Variants in COG5 observed in about 807,000 individuals in gnomAD.
COG5 encodes the protein component of oligomeric golgi complex 5, also known as conserved oligomeric Golgi complex subunit 5.
Under a neutral mutation model 110.4 loss-of-function variants are expected in COG5, and 86 were observed. That is an observed-to-expected ratio of 0.78 (90% confidence interval 0.65 to 0.93). COG5 has a LOEUF of 0.93. Ranked by LOEUF, COG5 falls within the 40% of genes least tolerant of loss-of-function variation. The pLI is 0.00. For missense variants in COG5, 1,077 were observed against 987.0 expected, an observed-to-expected ratio of 1.09 and a Z score of -1.22; for synonymous variants, 360 against 334.6, an observed-to-expected ratio of 1.08 and a Z score of -0.83.
chr7:107,558,533 G>A (rs1259806193), intron 1 of COG5, among the ~76,000 whole-genome samples: 1 of 151,970 alleles, frequency 6.6e-6, no homozygotes, highest in Non-Finnish European at 1.5e-5. Context: ...GAACCCGGGA[G>A]GCACAGGCTG....
chr7:107,237,902 C>T (rs770110356), intron 17 of COG5, among the ~76,000 whole-genome samples: 10 of 152,144 alleles, frequency 6.6e-5, no homozygotes, highest in Non-Finnish European at 1.5e-4. Flanking sequence ...GTTTGTCACT[C>T]CACAAGGCCA....
intron 7 of COG5, among the ~76,000 whole-genome samples, chr7:107,377,355 T>A (rs536182074): frequency 6.6e-6 from 1 of 152,232 alleles, no homozygotes; most frequent in South Asian, 2.1e-4. Context: ...TCAATTGGTA[T>A]AAACTCATAC....
chr7:107,275,817 C>A (rs185589506), intron 14 of COG5, among the ~76,000 whole-genome samples: 22 of 151,966 alleles, frequency 1.4e-4, no homozygotes, highest in African/African-American at 5.3e-4. Context: ...AGCCACCATA[C>A]CTGGCCAATA....
At chr7:107,556,144 T>C (rs1442365069) in intron 2 of COG5, among the ~76,000 whole-genome samples, 1 of 152,142 alleles carries the variant, frequency 6.6e-6, no homozygotes, top group Non-Finnish European at 1.5e-5. Flanking sequence ...ATCAGATATC[T>C]AGAGGCAGAA....
chr7:107,290,373 C>G (rs1806061604), intron 12 of COG5, among the ~76,000 whole-genome samples: 1 of 152,170 alleles, frequency 6.6e-6, no homozygotes, highest in Non-Finnish European at 1.5e-5. Context: ...TTAACCTGTG[C>G]AAAATAAACC....
intron 6 of COG5, among the ~76,000 whole-genome samples, chr7:107,517,732 C>G (rs1800032850): frequency 6.6e-6 from 1 of 150,954 alleles, no homozygotes. Flanking sequence ...GAGTCTCACT[C>G]TGTCGCCCAG....
rs1800833413 is a variant in COG5, at chr7:107,527,228, A to G, written c.538+9T>C. Reference sequence around the variant, plus strand: ...CTAACTTTTTATTTAAAAAAAAAAAAAAACTTACCAAGTTCATTGAGACTC... The same window carrying G: ...CTAACTTTTTATTTAAAAAAAAAAAGAAACTTACCAAGTTCATTGAGACTC... On this transcript the variant is annotated intron_variant, in intron 6 of 21. Transcript: ENST00000297135. 6.5e-7 allele frequency: 1 copy of G among 1,535,956 alleles called. No individual in the cohort carries two copies. Among genetic ancestry groups the G allele is most frequent in the South Asian group, 1.3e-5 (1 of 79,374 alleles).
intron 19 of COG5, among the ~76,000 whole-genome samples, chr7:107,220,815 C>CTTTT (rs1168926155): frequency 3.3e-4 from 41 of 123,908 alleles, no homozygotes; most frequent in Non-Finnish European, 4.1e-4. Context: ...CTCATGCCTT[C>CTTTT]TTTTTTTTTT....
At chr7:107,369,544 G>A (rs983908207) in intron 8 of COG5, among the ~76,000 whole-genome samples, 9 of 151,780 alleles carry the variant, frequency 5.9e-5, no homozygotes, top group African/African-American at 1.5e-4. Context: ...GCGCCACCAC[G>A]CCCGGCTAAT....
At chr7:107,283,189 G>T (rs114047442) in intron 13 of COG5, among the ~76,000 whole-genome samples, 1,687 of 152,206 alleles carry the variant, frequency 0.011, 18 homozygotes, top group African/African-American at 0.027. Context: ...CATGAAGCAC[G>T]TTCTGGAGTT....
chr7:107,278,383 T>C (rs748147700), intron 14 of COG5, among the ~76,000 whole-genome samples: 128 of 152,246 alleles, frequency 8.4e-4, no homozygotes, highest in Non-Finnish European at 1.5e-3. Context: ...CAACCTCTCA[T>C]CTACATTAGG....
At chr7:107,260,075 G>GATATAT (rs143875588) in intron 14 of COG5, among the ~76,000 whole-genome samples, 2,028 of 131,494 alleles carry the variant, frequency 0.015, 89 homozygotes, top group East Asian at 0.088. Context: ...AACTCCTAGT[G>GATATAT]ATATATATAT....
At chr7:107,438,847 A>C (rs1450676666) in intron 6 of COG5, among the ~76,000 whole-genome samples, 1 of 152,196 alleles carries the variant, frequency 6.6e-6, no homozygotes, top group Non-Finnish European at 1.5e-5. Flanking sequence ...GTTCTAACAG[A>C]AACTTGGCTC....
At chr7:107,264,671 C>A (rs1041079139) in intron 14 of COG5, among the ~76,000 whole-genome samples, 1 of 151,902 alleles carries the variant, frequency 6.6e-6, no homozygotes, top group African/African-American at 2.4e-5. Context: ...CCAGCCCGAG[C>A]GACAGATCCA....
chr7:107,351,188 G>A (rs1812102168), intron 10 of COG5, among the ~76,000 whole-genome samples: 1 of 152,046 alleles, frequency 6.6e-6, no homozygotes, highest in South Asian at 2.1e-4. Flanking sequence ...TGACAAACCT[G>A]ACAAAAACAA....
intron 6 of COG5, among the ~76,000 whole-genome samples, chr7:107,503,435 T>C (rs976130768): frequency 6.6e-6 from 1 of 152,170 alleles, no homozygotes; most frequent in Non-Finnish European, 1.5e-5. Context: ...TCCAGTAATA[T>C]GATGCCTCCA....
intron 5 of COG5, among the ~76,000 whole-genome samples, chr7:107,546,428 G>GTTTTTTGT (rs1802452068): frequency 8.5e-6 from 1 of 117,174 alleles, no homozygotes; most frequent in East Asian, 2.6e-4. Flanking sequence ...TTGTGTTTTG[G>GTTTTTTGT]TTTTTTGTTT....
chr7:107,248,347 C>T (rs765306858), intron 17 of COG5, 49 bp downstream of exon 17: 2 of 1,180,574 alleles, frequency 1.7e-6, no homozygotes, highest in Admixed American at 1.7e-5. Flanking sequence ...GGTGGGAATA[C>T]AAAATAAAGG....
At chr7:107,468,789 G>T (rs1796456476) in intron 6 of COG5, among the ~76,000 whole-genome samples, 1 of 152,010 alleles carries the variant, frequency 6.6e-6, no homozygotes, top group Non-Finnish European at 1.5e-5. Context: ...AAAAATGAAG[G>T]TCACTAAATA....
Sources: allele counts gnomAD v4.1 joint callset (sites outside exome capture counted in the v4.1 genomes callset), GRCh38; gene constraint gnomAD v4.1.1; transcripts MANE v1.5; gene names NCBI Gene and HGNC (gene_info 2026-07-23, HGNC 2026-07-21).